The following TULP4 variants were observed in gnomAD, a reference collection of about 807,000 sequenced individuals.
The protein encoded by TULP4 is TUB like protein 4.
Under a neutral mutation model 129.0 loss-of-function variants are expected in TULP4, and 16 were observed. The observed-to-expected ratio is 0.12, with a 90% confidence interval of 0.08 to 0.19. The LOEUF (loss-of-function observed/expected upper bound fraction) is 0.19. Among genes scored for constraint, TULP4 ranks in the 10% least tolerant of loss-of-function variants. TULP4 has a pLI of 1.00. For synonymous variants in TULP4, 998 were observed against 854.0 expected (o/e 1.17, Z -2.94); for missense variants, 1,842 against 2,059.1 (o/e 0.89, Z 2.04).
intron 1 of TULP4, among the ~76,000 whole-genome samples, chr6:158,401,037 T>C (rs1777831413): frequency 7.0e-6 from 1 of 143,018 alleles, no homozygotes; most frequent in African/African-American, 2.6e-5. Flanking sequence ...GCCTTTTATG[T>C]TTGTTTGGGT....
At chr6:158,348,759 G>C (rs1008069098) in intron 1 of TULP4, among the ~76,000 whole-genome samples, 1 of 151,088 alleles carries the variant, frequency 6.6e-6, no homozygotes, top group African/African-American at 2.4e-5. Flanking sequence ...TCCCAGATGG[G>C]GCAGCTGGGC....
intron 8 of TULP4, among the ~76,000 whole-genome samples, chr6:158,482,498 G>C (rs949642348): frequency 1.3e-5 from 2 of 152,198 alleles, no homozygotes; most frequent in Non-Finnish European, 2.9e-5. Context: ...GGGGCTGGTA[G>C]GGAGGCAGAC....
intron 1 of TULP4, among the ~76,000 whole-genome samples, chr6:158,257,751 G>A (rs976928646): frequency 6.6e-6 from 1 of 152,112 alleles, no homozygotes; most frequent in Non-Finnish European, 1.5e-5. Context: ...TGTCTCTGAT[G>A]GTATCCTGAA....
At chr6:158,375,820 G>T (rs2114894938) in intron 1 of TULP4, among the ~76,000 whole-genome samples, 1 of 152,320 alleles carries the variant, frequency 6.6e-6, no homozygotes, top group South Asian at 2.1e-4. Flanking sequence ...AAGAACCCAG[G>T]CTAGATTTAA....
chr6:158,405,377 G>A (rs117115693), intron 1 of TULP4, among the ~76,000 whole-genome samples: 10 of 152,196 alleles, frequency 6.6e-5, no homozygotes, highest in East Asian at 1.9e-4. Flanking sequence ...GTGGGTCCAG[G>A]GGGCCATCGC....
intron 11 of TULP4, among the ~76,000 whole-genome samples, chr6:158,498,243 G>A (rs1037260040): frequency 4.6e-5 from 7 of 152,146 alleles, no homozygotes; most frequent in Non-Finnish European, 7.4e-5. Flanking sequence ...ACAGTTTCTT[G>A]GTTGCCCAAG....
Position 158,429,864 on chromosome 6 carries a change from T to C in TULP4, c.510T>C (p.Ile170=). 1 of 1,614,052 alleles carries C rather than the reference T, an allele frequency of 6.2e-7. No homozygotes were observed. The highest frequency in any genetic ancestry group is 8.5e-7 in the Non-Finnish European group (1 of 1,180,008). Residue 170 remains isoleucine (I), a synonymous_variant, in exon 3 of 14, where the codon ATT becomes ATC. Coordinates refer to ENST00000367097, the MANE Select transcript of TULP4 (RefSeq NM_020245.5). ...WSSEINLESQ[I]TCGIWTPDDQ... is the part of the protein sequence containing the mutation. ...CCGAAATCAACTTGGAAAGTCAAAT[T>C]ACGTGTGGCATATGGACTCCTGACG...
intron 1 of TULP4, among the ~76,000 whole-genome samples, chr6:158,394,555 G>A (rs1368501186): frequency 6.6e-6 from 1 of 151,700 alleles, no homozygotes; most frequent in Admixed American, 6.6e-5. Flanking sequence ...AGGCTGAGGC[G>A]GGCAGATCAC....
chr6:158,378,483 T>TTTTTTTTG, intron 1 of TULP4, among the ~76,000 whole-genome samples: 1 of 126,070 alleles, frequency 7.9e-6, no homozygotes, highest in African/African-American at 3.0e-5. Context: ...TTTTTTTTTT[T>TTTTTTTTG]TTGGTGGGGG....
intron 1 of TULP4, among the ~76,000 whole-genome samples, chr6:158,375,850 C>T (rs1431794215): frequency 1.3e-5 from 2 of 152,144 alleles, no homozygotes; most frequent in Non-Finnish European, 2.9e-5. Flanking sequence ...GTAGTGGGGG[C>T]AAAGAATAGT....
intron 1 of TULP4, among the ~76,000 whole-genome samples, chr6:158,289,419 ATCT>A (rs1434966772): frequency 2.0e-5 from 3 of 151,580 alleles, no homozygotes; most frequent in Non-Finnish European, 4.4e-5. Context: ...TGTTTTTACT[ATCT>A]TCTTCCTTTA....
At chr6:158,316,962 A>G (rs528275576) in intron 1 of TULP4, among the ~76,000 whole-genome samples, 2 of 152,260 alleles carry the variant, frequency 1.3e-5, no homozygotes, top group African/African-American at 4.8e-5. Context: ...CTGTAGCTTC[A>G]AATCTTTCTG....
intron 1 of TULP4, among the ~76,000 whole-genome samples, chr6:158,378,166 G>A (rs906527886): frequency 1.3e-5 from 2 of 152,124 alleles, no homozygotes; most frequent in African/African-American, 4.8e-5. Context: ...CTTGGAACTG[G>A]CACATCCTCT....
chr6:158,257,000 C>A (rs1478039087), intron 1 of TULP4, among the ~76,000 whole-genome samples: 3 of 152,074 alleles, frequency 2.0e-5, no homozygotes, highest in Admixed American at 6.6e-5. Context: ...AGGAAACCAG[C>A]AGTGATTTCT....
intron 1 of TULP4, among the ~76,000 whole-genome samples, chr6:158,409,997 A>G (rs1421051714): frequency 6.6e-6 from 1 of 152,088 alleles, no homozygotes; most frequent in Non-Finnish European, 1.5e-5. Context: ...CTGGGACTAC[A>G]GGTGCCCGCC....
chr6:158,510,319 A>G lies in TULP4; in HGVS notation c.*3625A>G, dbSNP rs1780708827. On this transcript the variant is annotated 3_prime_UTR_variant, in exon 14 of 14. Coordinates refer to ENST00000367097, the MANE Select transcript of TULP4 (RefSeq NM_020245.5). ...AATGTGTTATGTTCATCTTGTAATC[A>G]TAGCAAAAAGTCTGCAAACCCCAGG... The G allele has an allele frequency of 1.3e-5, 2 of 152,410 alleles. No individual in the cohort carries two copies. The highest frequency in any genetic ancestry group is 1.9e-4 in the East Asian group (1 of 5,188). 9.4% of individuals were successfully genotyped at this position (152,410 alleles called of 1,614,324 possible).
chr6:158,242,767 G>C (rs536037880), intron 1 of TULP4: 2 of 411,030 alleles, frequency 4.9e-6, no homozygotes, highest in South Asian at 2.3e-5. Flanking sequence ...TGGCCGTACC[G>C]GTTCACTTCA....
chr6:158,493,484 G>A lies in TULP4; in HGVS notation c.1632-89G>A. The A allele has an allele frequency of 7.5e-7, 1 of 1,339,552 alleles. No homozygotes were observed. The highest frequency in any genetic ancestry group is 9.7e-7 in the Non-Finnish European group (1 of 1,033,846). The allele number at this position is 1,339,552 out of a possible 1,614,324, so 83.0% of individuals were successfully genotyped here. Reference sequence around the variant, plus strand: ...TGAGAACCCAACACCCAGGCTGGCTGTCCAGAAAAAGAAAGGACTGCTGGA... The same window carrying A: ...TGAGAACCCAACACCCAGGCTGGCTATCCAGAAAAAGAAAGGACTGCTGGA... On this transcript the variant is annotated intron_variant, in intron 9 of 13. Coordinates refer to ENST00000367097, the MANE Select transcript of TULP4 (RefSeq NM_020245.5). This position sits in a 1 kb window ranked among gnomAD's most constrained non-coding sequence, Gnocchi z 4.4.
intron 1 of TULP4, among the ~76,000 whole-genome samples, chr6:158,389,275 AC>A (rs888800960): frequency 2.0e-5 from 3 of 152,102 alleles, no homozygotes; most frequent in Middle Eastern, 6.3e-3. Flanking sequence ...CATGGGTGAA[AC>A]CCCTTCTCTA....
Sources: gnomAD v4.1 joint callset for allele counts (sites outside exome capture counted in the v4.1 genomes callset) on GRCh38, gnomAD v4.1.1 for gene constraint, Gnocchi (gnomAD v3.1) non-coding constraint, MANE v1.5 for transcripts, NCBI Gene and HGNC (gene_info 2026-07-23, HGNC 2026-07-21) for gene names.